CLGN: variants seen among roughly 807,000 people sequenced by gnomAD.
The protein encoded by CLGN is testis tissue sperm-binding protein Li 79P.
In CLGN, 62 loss-of-function variants were observed where a neutral mutation model predicts 79.1. The ratio of observed to expected loss-of-function variants is 0.78; its 90% CI spans 0.64 to 0.97. The LOEUF (loss-of-function observed/expected upper bound fraction) is 0.97, where lower values mean the gene tolerates loss of function less well. Ranked by LOEUF, CLGN falls within the 50% of genes least tolerant of loss-of-function variation. The pLI is 0.00. For missense variants in CLGN, 647 were observed against 715.5 expected, an observed-to-expected ratio of 0.90 and a Z score of 1.09; for synonymous variants, 225 against 224.7, an observed-to-expected ratio of 1.00 and a Z score of -0.01.
rs1414353015 is a variant in CLGN, at chr4:140,410,597, T to C, written c.174A>G (p.Gly58=). 1 of 1,601,940 alleles carries C rather than the reference T, an allele frequency of 6.2e-7. No individual in the cohort carries two copies. Among genetic ancestry groups the C allele is most frequent in the Non-Finnish European group, 8.6e-7 (1 of 1,169,488 alleles). ...CAAAAGTTTCTGCAAAATATACTTC[T>C]CCTATAGGTTGAGGTGTCTTATATT... ...EIKYKTPQPI[G]EVYFAETFDS... Residue 58 remains glycine (G), a synonymous_variant, in exon 3 of 15, where the codon GGA becomes GGG. Transcript: ENST00000325617.
intron 1 of CLGN, among the ~76,000 whole-genome samples, chr4:140,414,972 G>A (rs955131639): frequency 2.6e-5 from 4 of 151,400 alleles, no homozygotes; most frequent in Non-Finnish European, 5.9e-5. Flanking sequence ...TACCCTCAAA[G>A]GGAAGCCCAT....
chr4:140,402,028 C>T lies in CLGN; in HGVS notation c.458G>A (p.Gly153Asp), dbSNP rs1729009366. The change falls in exon 6 of 15, where the codon GGT (glycine) becomes GAT (aspartate). Residue 153 changes from glycine to aspartate, a missense_variant. Physicochemically the swap from Gly to Asp is moderately conservative, Grantham distance 94. Coordinates refer to ENST00000325617, the MANE Select transcript of CLGN (RefSeq NM_004362.3). ...GTCTGCTAGGAGTTTAATGTATGCA[C>T]CTCCACAATCAATACCATCTTGAAA... Reference protein sequence around the residue: ...VNFQDGIDCGGAYIKLLADTD... With the variant: ...VNFQDGIDCGDAYIKLLADTD... 1 of 1,583,048 alleles carries T rather than the reference C, an allele frequency of 6.3e-7. No individual in the cohort carries two copies. The highest frequency in any genetic ancestry group is 1.4e-5 in the African/African-American group (1 of 73,464).
At chr4:140,390,823 C>A in intron 13 of CLGN, 95 bp from the exon 14 acceptor site, 1 of 678,550 alleles carries the variant, frequency 1.5e-6, no homozygotes, top group South Asian at 3.9e-5. Context: ...TATTTAAATT[C>A]CAAGATTTAT....
chr4:140,397,245 A>T (rs1325559761), intron 8 of CLGN, among the ~76,000 whole-genome samples: 1 of 152,054 alleles, frequency 6.6e-6, no homozygotes, highest in Non-Finnish European at 1.5e-5. Flanking sequence ...CCTTGCGAAG[A>T]GTGTTACCAA....
intron 14 of CLGN, among the ~76,000 whole-genome samples, chr4:140,390,111 T>A (rs1350744124): frequency 6.6e-6 from 1 of 151,800 alleles, no homozygotes; most frequent in Non-Finnish European, 1.5e-5. Context: ...AAGTTCCATT[T>A]TATATCAGGA....
At chr4:140,405,840 A>C in intron 5 of CLGN, 102 bp downstream of exon 5, 1 of 1,169,680 alleles carries the variant, frequency 8.5e-7, no homozygotes. Flanking sequence ...CGAAAAAGGA[A>C]GATCTAGATT....
Position 140,427,526 on chromosome 4 carries a change from T to C in CLGN, c.-10+11A>G, listed in dbSNP as rs1456484698. 1.3e-5 allele frequency: 2 copies of C among 152,324 alleles called. No individual in the cohort carries two copies. Among genetic ancestry groups the C allele is most frequent in the African/African-American group, 4.8e-5 (2 of 41,466 alleles). 9.4% of individuals were successfully genotyped at this position (152,324 alleles called of 1,614,324 possible). Reference sequence around the variant, plus strand: ...GCGGGACAGCGGGAACGCGGCCTGCTGCTCACGCACCTCTCTTGCGGCCTG... The same window carrying C: ...GCGGGACAGCGGGAACGCGGCCTGCCGCTCACGCACCTCTCTTGCGGCCTG... On this transcript the variant is annotated intron_variant, in intron 1 of 14. Coordinates refer to ENST00000325617, the MANE Select transcript of CLGN (RefSeq NM_004362.3).
chr4:140,411,232 G>A (rs931624613), intron 2 of CLGN, among the ~76,000 whole-genome samples: 3 of 151,886 alleles, frequency 2.0e-5, no homozygotes, highest in Non-Finnish European at 4.4e-5. Context: ...TTCTATGGGG[G>A]AAGTATCATT....
At chr4:140,397,920 A>G (rs1259113363) in intron 8 of CLGN, among the ~76,000 whole-genome samples, 1 of 152,136 alleles carries the variant, frequency 6.6e-6, no homozygotes, top group African/African-American at 2.4e-5. Context: ...AAACAAAAAC[A>G]AAAACAAAAC....
chr4:140,392,133 G>T, intron 13 of CLGN, 86 bp downstream of exon 13: 2 of 1,403,950 alleles, frequency 1.4e-6, no homozygotes, highest in Non-Finnish European at 1.9e-6. Context: ...TAATAAACAA[G>T]TATAATAACT....
At chr4:140,395,151 G>GT (rs1182214199) in intron 10 of CLGN, among the ~76,000 whole-genome samples, 21 of 89,376 alleles carry the variant, frequency 2.3e-4, no homozygotes, top group Non-Finnish European at 3.7e-4. Flanking sequence ...CAGGTTTTTT[G>GT]TTTTTTTGTT....
rs768172177 is a variant in CLGN at position 140,418,904 on chromosome 4, G to A, written c.-9-5817C>T. On this transcript the variant is annotated intron_variant, in intron 1 of 14. Transcript: ENST00000325617. ...TGCTGCTATAAAGACTCATGCACACGTATGTTTATTGCGGCATTATTCACA... is the reference window on the plus strand; with the variant it reads ...TGCTGCTATAAAGACTCATGCACACATATGTTTATTGCGGCATTATTCACA... Among the ~76,000 whole-genome samples, 527 of 152,256 alleles carry A rather than the reference G, an allele frequency of 3.5e-3. 1 individual carries two copies. Among genetic ancestry groups the A allele is most frequent in the Non-Finnish European group, 5.5e-3 (373 of 68,026 alleles).
chr4:140,412,013 G>A (rs1229729291), intron 2 of CLGN, among the ~76,000 whole-genome samples: 2 of 151,998 alleles, frequency 1.3e-5, no homozygotes, highest in Non-Finnish European at 2.9e-5. Context: ...TTTCTTTGAA[G>A]TATTAATATT....
intron 1 of CLGN, among the ~76,000 whole-genome samples, chr4:140,423,243 T>C (rs924561079): frequency 1.3e-5 from 2 of 152,194 alleles, no homozygotes; most frequent in African/African-American, 4.8e-5. Flanking sequence ...TGTTTTTTAT[T>C]ATGAAAGAGT....
At chr4:140,393,120 T>C (rs1728806601) in intron 11 of CLGN, among the ~76,000 whole-genome samples, 1 of 152,076 alleles carries the variant, frequency 6.6e-6, no homozygotes, top group Non-Finnish European at 1.5e-5. Flanking sequence ...AGAATTGTTT[T>C]CTTTTTTATA....
At chr4:140,415,432 C>T (rs2126630883) in intron 1 of CLGN, among the ~76,000 whole-genome samples, 1 of 151,946 alleles carries the variant, frequency 6.6e-6, no homozygotes, top group Admixed American at 6.5e-5. Context: ...CAAGACCCAT[C>T]AGTGTGCTGT....
Position 140,398,898 on chromosome 4 carries a change from A to T in CLGN, c.837T>A (p.Asp279Glu). 1 of 1,613,902 alleles carries T rather than the reference A, an allele frequency of 6.2e-7. No individual in the cohort carries two copies. Among genetic ancestry groups the T allele is most frequent in the Non-Finnish European group, 8.5e-7 (1 of 1,179,928 alleles). The change falls in exon 8 of 15, where the codon GAT becomes GAA. Residue 279 changes from aspartate to glutamate, a missense_variant. Coordinates refer to ENST00000325617, the MANE Select transcript of CLGN (RefSeq NM_004362.3). Reference sequence around the variant, plus strand: ...AAGGATCAGGAATTTTTGCTCTTTCATCCCATTCCTCAGGTTTTTTATCAT... The same window carrying T: ...AAGGATCAGGAATTTTTGCTCTTTCTTCCCATTCCTCAGGTTTTTTATCAT... ...DPNDKKPEEW[D>E]ERAKIPDPSA...
intron 1 of CLGN, among the ~76,000 whole-genome samples, chr4:140,413,435 T>A (rs1430461659): frequency 6.6e-6 from 1 of 152,162 alleles, no homozygotes; most frequent in African/African-American, 2.4e-5. Flanking sequence ...TGCATTTCCA[T>A]CTGAGGTACT....
chr4:140,408,991 G>A (rs1168248738), intron 4 of CLGN, among the ~76,000 whole-genome samples: 1 of 151,412 alleles, frequency 6.6e-6, no homozygotes, highest in East Asian at 1.9e-4. Flanking sequence ...CTGGGATGGC[G>A]AACACCATGC....
Sources: allele counts gnomAD v4.1 joint callset (sites outside exome capture counted in the v4.1 genomes callset), GRCh38; gene constraint gnomAD v4.1.1; transcripts MANE v1.5; gene names NCBI Gene and HGNC (gene_info 2026-07-23, HGNC 2026-07-21).